Variants in MALRD1 observed in about 807,000 individuals in gnomAD.
MALRD1 encodes MAM and LDL-receptor class A domain-containing protein 1.
Under a neutral mutation model 242.1 loss-of-function variants are expected in MALRD1, and 247 were observed. That is an observed-to-expected ratio of 1.02 (90% confidence interval 0.92 to 1.13). MALRD1 has a LOEUF of 1.13. MALRD1 is among the 50% of genes most tolerant of loss of function. The probability of loss-of-function intolerance (pLI) is 0.00; values close to 1 mark genes in which losing one functional copy is unlikely to be tolerated. For synonymous variants in MALRD1, 995 were observed against 866.6 expected (o/e 1.15, Z -2.60); for missense variants, 2,989 against 2,533.1 (o/e 1.18, Z -3.86).
chr10:19,282,831 G>C (rs1262202572), intron 20 of MALRD1, among the ~76,000 whole-genome samples, 188 bp from the exon 21 acceptor site: 2 of 152,006 alleles, frequency 1.3e-5, no homozygotes, highest in Non-Finnish European at 2.9e-5. Flanking sequence ...ATAAATATTT[G>C]ACTAGAATAA....
In MALRD1 at chr10:19,327,625, A is replaced by C; in HGVS notation, c.3639A>C (p.Ala1213=). The C allele has an allele frequency of 6.5e-7, 1 of 1,549,968 alleles. No individual in the cohort carries two copies. The highest frequency in any genetic ancestry group is 1.4e-5 in the African/African-American group (1 of 73,146). The change falls in exon 23 of 40, where the codon GCA becomes GCC. Residue 1213 remains alanine (A), a synonymous_variant. Transcript: ENST00000454679. ...KLWAQTGQQG[A]QWKRAEVFLG... ...GGGCTCAAACTGGACAGCAAGGTGC[A>C]CAGTGGAAGAGAGCAGAAGTGTTTT...
At chr10:19,246,073 T>C (rs1839030576) in intron 18 of MALRD1, among the ~76,000 whole-genome samples, 1 of 152,144 alleles carries the variant, frequency 6.6e-6, no homozygotes, top group Non-Finnish European at 1.5e-5. Context: ...ATCTGTGCTT[T>C]TAGTTCTGTG....
intron 38 of MALRD1, among the ~76,000 whole-genome samples, chr10:19,692,817 TTTATATATATATGAAA>T (rs895626294): frequency 4.1e-5 from 6 of 145,594 alleles, no homozygotes; most frequent in African/African-American, 1.5e-4. Context: ...ATATATGAAA[TTTATATATATATGAAA>T]TTATATATAT....
In MALRD1 at chr10:19,280,098, C is replaced by A; in HGVS notation, c.3131C>A (p.Thr1044Lys). The A allele has an allele frequency of 1.3e-6, 2 of 1,537,590 alleles. No individual in the cohort carries two copies. Among genetic ancestry groups the A allele is most frequent in the Non-Finnish European group, 1.8e-6 (2 of 1,142,214 alleles). ...CCACCAGAAACGTCAGTTCCTGTAA[C>A]ATTACCTCCACACAACTGCACAGAC... ...PTPPETSVPV[T>K]LPPHNCTDNE... is the part of the protein sequence containing the mutation. Residue 1044 changes from threonine (T) to lysine (K), a missense_variant, in exon 20 of 40, where the codon ACA becomes AAA. Physicochemically the swap from Thr to Lys is moderately conservative, Grantham distance 78 (BLOSUM62 -1). Transcript: ENST00000454679.
At chr10:19,482,894 A>T (rs1460752857) in intron 29 of MALRD1, among the ~76,000 whole-genome samples, 1 of 152,162 alleles carries the variant, frequency 6.6e-6, no homozygotes, top group Non-Finnish European at 1.5e-5. Flanking sequence ...ATTCAATGCT[A>T]TTCCTATCAA....
At chr10:19,269,527 A>G (rs1223983895) in intron 19 of MALRD1, among the ~76,000 whole-genome samples, 6 of 152,246 alleles carry the variant, frequency 3.9e-5, no homozygotes, top group African/African-American at 1.4e-4. Context: ...TCCGTCAGGA[A>G]TCCTGCAGTC....
At chr10:19,176,663 C>T (rs1835263650) in intron 14 of MALRD1, among the ~76,000 whole-genome samples, 1 of 151,918 alleles carries the variant, frequency 6.6e-6, no homozygotes, top group South Asian at 2.1e-4. Flanking sequence ...CGTGAGCCAC[C>T]GCGCCCGGCC....
At chr10:19,486,134 A>G (rs762148247) in intron 29 of MALRD1, among the ~76,000 whole-genome samples, 2 of 152,138 alleles carry the variant, frequency 1.3e-5, no homozygotes, top group Non-Finnish European at 2.9e-5. Flanking sequence ...ATGTATTTAA[A>G]CTCTTACTAT....
At chr10:19,576,449 C>A (rs1250356438) in intron 33 of MALRD1, among the ~76,000 whole-genome samples, 1 of 152,076 alleles carries the variant, frequency 6.6e-6, no homozygotes, top group African/African-American at 2.4e-5. Context: ...TATTAACCAG[C>A]AACAATAAAC....
chr10:19,414,432 T>C (rs1427988313), intron 28 of MALRD1, among the ~76,000 whole-genome samples: 1 of 152,172 alleles, frequency 6.6e-6, no homozygotes, highest in Non-Finnish European at 1.5e-5. Flanking sequence ...CTAAGTTTTT[T>C]ATTTGAGTTA....
intron 18 of MALRD1, among the ~76,000 whole-genome samples, chr10:19,255,927 A>G (rs56262059): frequency 0.087 from 13,307 of 152,102 alleles, 657 homozygotes; most frequent in Middle Eastern, 0.12. Flanking sequence ...TTTCATAAAT[A>G]GCCAATTCTT....
intron 31 of MALRD1, among the ~76,000 whole-genome samples, chr10:19,529,808 G>T (rs1438628090): frequency 2.0e-5 from 3 of 151,956 alleles, no homozygotes; most frequent in African/African-American, 4.8e-5. Context: ...TCAAAAGAAT[G>T]TAGAAATTTA....
At chr10:19,521,888 AT>A (rs972534088) in intron 31 of MALRD1, among the ~76,000 whole-genome samples, 1 of 152,082 alleles carries the variant, frequency 6.6e-6, no homozygotes, top group Non-Finnish European at 1.5e-5. Flanking sequence ...TGTTATTGTC[AT>A]CATCATTGTT....
chr10:19,232,583 G>T (rs1354779597), intron 18 of MALRD1, among the ~76,000 whole-genome samples: 1 of 152,162 alleles, frequency 6.6e-6, no homozygotes, highest in Non-Finnish European at 1.5e-5. Context: ...TTTGTGCAGG[G>T]TGAAGTGAGA....
intron 2 of MALRD1, among the ~76,000 whole-genome samples, chr10:19,072,894 T>C (rs3858196): frequency 0.54 from 81,416 of 151,730 alleles, 21,972 homozygotes; most frequent in Middle Eastern, 0.61. Flanking sequence ...AATTACAGTG[T>C]CTTTTTTTCA....
At chr10:19,411,392 C>T (rs747040879) in intron 28 of MALRD1, among the ~76,000 whole-genome samples, 21 of 152,158 alleles carry the variant, frequency 1.4e-4, no homozygotes, top group Admixed American at 6.5e-5. Context: ...CAGCCTGGCT[C>T]GTAATGGGCA....
intron 26 of MALRD1, among the ~76,000 whole-genome samples, chr10:19,363,281 A>G (rs1844973466): frequency 6.6e-6 from 1 of 152,182 alleles, no homozygotes. Context: ...ACCAGGAACT[A>G]AGCCCTGGGA....
At chr10:19,433,281 C>T (rs777931104) in intron 28 of MALRD1, among the ~76,000 whole-genome samples, 15 of 152,002 alleles carry the variant, frequency 9.9e-5, no homozygotes, top group Non-Finnish European at 1.8e-4. Flanking sequence ...GACGTGATTC[C>T]GCTGAAATGT....
At chr10:19,361,887 A>C (rs1364182674) in intron 26 of MALRD1, among the ~76,000 whole-genome samples, 5 of 152,130 alleles carry the variant, frequency 3.3e-5, no homozygotes, top group Non-Finnish European at 5.9e-5. Flanking sequence ...TATTGTTTGA[A>C]TCACTTGTGG....
Sources: allele counts gnomAD v4.1 joint callset (sites outside exome capture counted in the v4.1 genomes callset), GRCh38; gene constraint gnomAD v4.1.1; transcripts MANE v1.5; gene names NCBI Gene and HGNC (gene_info 2026-07-23, HGNC 2026-07-21).